Variants in TASP1 observed in about 807,000 individuals in gnomAD.
TASP1 encodes the protein threonine aspartase 1.
Under a neutral mutation model 56.6 loss-of-function variants are expected in TASP1, and 16 were observed. The ratio of observed to expected loss-of-function variants is 0.28; its 90% CI spans 0.19 to 0.43. TASP1 has a LOEUF of 0.43. Ranked by LOEUF, TASP1 falls within the 20% of genes least tolerant of loss-of-function variation. The pLI is 1.00. For synonymous variants in TASP1, 179 were observed against 184.2 expected (o/e 0.97, Z 0.23); for missense variants, 393 against 511.6 (o/e 0.77, Z 2.24).
At chr20:13,127,806 T>C in the TASP1 span, among the ~76,000 whole-genome samples, 2,837 of 152,308 alleles carry the variant, frequency 0.019, 53 homozygotes, top group South Asian at 0.03. Flanking sequence ...TGAAATGCGG[T>C]GATTGGCTGA....
chr20:13,352,302 T>A, the TASP1 span, among the ~76,000 whole-genome samples: 1 of 151,804 alleles, frequency 6.6e-6, no homozygotes, highest in Non-Finnish European at 1.5e-5. Flanking sequence ...ATACAAAAAG[T>A]AGCCAGGCGT....
chr20:13,534,259 G>T, intron 8 of TASP1, 118 bp from the exon 9 acceptor site: 1 of 1,225,848 alleles, frequency 8.2e-7, no homozygotes, highest in Admixed American at 2.8e-5. Flanking sequence ...ATCCCTAAGT[G>T]GAACATTGAG....
intron 7 of TASP1, among the ~76,000 whole-genome samples, chr20:13,566,890 C>G (rs2103972): frequency 0.35 from 53,742 of 151,966 alleles, 10,316 homozygotes; most frequent in Non-Finnish European, 0.43. Flanking sequence ...GAGCTAAAAA[C>G]AGAACTACCA....
At chr20:13,214,544 CACACACACACACACACACAGAGAG>C in the TASP1 span, among the ~76,000 whole-genome samples, 1 of 131,902 alleles carries the variant, frequency 7.6e-6, no homozygotes, top group Non-Finnish European at 1.6e-5. Context: ...CACACACACA[CACACACACACACACACACAGAGAG>C]AGAGAGAGAG....
chr20:13,603,791 T>C (rs1342566196), intron 4 of TASP1, among the ~76,000 whole-genome samples: 1 of 152,210 alleles, frequency 6.6e-6, no homozygotes, highest in East Asian at 1.9e-4. Flanking sequence ...TCTATTCAAA[T>C]TTCCCTGAAC....
At chr20:13,221,937 C>G in the TASP1 span, 7 of 1,315,790 alleles carry the variant, frequency 5.3e-6, no homozygotes, top group Non-Finnish European at 9.6e-7. Context: ...CCGGAGAGGG[C>G]CGTGCGCGGC....
chr20:13,373,775 AGT>A, the TASP1 span, among the ~76,000 whole-genome samples: 1 of 152,200 alleles, frequency 6.6e-6, no homozygotes, highest in South Asian at 2.1e-4. Flanking sequence ...GAGCTTCCTG[AGT>A]GTGTTTTCCA....
the TASP1 span, among the ~76,000 whole-genome samples, chr20:13,305,530 G>A: frequency 1.3e-5 from 2 of 152,238 alleles, no homozygotes; most frequent in Non-Finnish European, 2.9e-5. Flanking sequence ...ATGGAAAAAT[G>A]TGTGGGTCGT....
chr20:13,589,251 G>T (rs2047433379), intron 4 of TASP1, among the ~76,000 whole-genome samples: 1 of 151,848 alleles, frequency 6.6e-6, no homozygotes. Flanking sequence ...TAGAGACAGG[G>T]TTTTCACCGT....
intron 6 of TASP1, among the ~76,000 whole-genome samples, chr20:13,576,776 G>A (rs2046942789): frequency 6.6e-6 from 1 of 152,096 alleles, no homozygotes; most frequent in Non-Finnish European, 1.5e-5. Flanking sequence ...ACATAAAGTT[G>A]AAAACTATGT....
chr20:13,212,991 C>G, the TASP1 span, among the ~76,000 whole-genome samples: 3 of 152,274 alleles, frequency 2.0e-5, no homozygotes, highest in South Asian at 6.2e-4. Flanking sequence ...GACGTTAGAA[C>G]CAGCCAGTCG....
the TASP1 span, among the ~76,000 whole-genome samples, chr20:13,289,874 T>A: frequency 3.3e-5 from 5 of 152,126 alleles, no homozygotes; most frequent in East Asian, 9.6e-4. Context: ...ACATTCCAAA[T>A]GGCTTTGGCT....
chr20:13,120,505 A>G, the TASP1 span, among the ~76,000 whole-genome samples: 1 of 152,178 alleles, frequency 6.6e-6, no homozygotes, highest in Non-Finnish European at 1.5e-5. Context: ...AAAAGAGATA[A>G]AAACATCTGG....
At chr20:13,157,791 A>G in the TASP1 span, among the ~76,000 whole-genome samples, 74 of 152,250 alleles carry the variant, frequency 4.9e-4, no homozygotes, top group African/African-American at 1.7e-3. Context: ...TCCTTCTGTG[A>G]TATTTCTTTG....
intron 13 of TASP1, 78 bp from the exon 14 acceptor site, chr20:13,390,530 A>G: frequency 7.6e-7 from 1 of 1,309,800 alleles, no homozygotes. Flanking sequence ...TGTCCAAAAA[A>G]GGTGGAGGAA....
intron 13 of TASP1, among the ~76,000 whole-genome samples, chr20:13,391,425 T>C (rs2041271255): frequency 6.6e-6 from 1 of 152,166 alleles, no homozygotes; most frequent in African/African-American, 2.4e-5. Context: ...GTCTGGAATT[T>C]CTAAGAAGAA....
chr20:13,298,027 T>C, the TASP1 span, among the ~76,000 whole-genome samples: 1 of 152,244 alleles, frequency 6.6e-6, no homozygotes. Context: ...AACTGAGTCC[T>C]ATAAATCTTC....
chr20:13,541,524 C>T (rs377075939), intron 8 of TASP1, among the ~76,000 whole-genome samples: 1 of 152,088 alleles, frequency 6.6e-6, no homozygotes, highest in Non-Finnish European at 1.5e-5. Flanking sequence ...ACCTAATCTC[C>T]CGTTCTTTGC....
chr20:13,159,970 C>CTT, the TASP1 span: 137 of 1,161,814 alleles, frequency 1.2e-4, no homozygotes, highest in South Asian at 5.3e-4. Flanking sequence ...CAACTAACCA[C>CTT]TTTTTTTTTT....
Sources: gnomAD v4.1 joint callset for allele counts (sites outside exome capture counted in the v4.1 genomes callset) on GRCh38, gnomAD v4.1.1 for gene constraint, MANE v1.5 for transcripts, NCBI Gene and HGNC (gene_info 2026-07-23, HGNC 2026-07-21) for gene names.